Variants in SOX5 observed in about 807,000 individuals in gnomAD.
The protein encoded by SOX5 is SRY-box transcription factor 5.
SOX5 carries 9 observed loss-of-function variants against 92.0 expected under a neutral mutation model. That is an observed-to-expected ratio of 0.10 (90% CI 0.06 to 0.17). SOX5 has a LOEUF of 0.17. Ranked by LOEUF, SOX5 falls within the 10% of genes least tolerant of loss-of-function variation. SOX5 has a pLI of 1.00. For missense variants in SOX5, 642 were observed against 944.5 expected, an observed-to-expected ratio of 0.68 and a Z score of 4.20; for synonymous variants, 344 against 336.3, an observed-to-expected ratio of 1.02 and a Z score of -0.25.
At chr12:23,781,783 T>C (rs1432161193) in intron 3 of SOX5, among the ~76,000 whole-genome samples, 1 of 152,086 alleles carries the variant, frequency 6.6e-6, no homozygotes, top group Non-Finnish European at 1.5e-5. Flanking sequence ...ATAATGCTTT[T>C]TCTTTATTCC....
At chr12:24,284,432 T>TTTTG (rs1945589837) in intron 2 of SOX5, among the ~76,000 whole-genome samples, 1 of 149,564 alleles carries the variant, frequency 6.7e-6, no homozygotes, top group African/African-American at 2.5e-5. Flanking sequence ...TTTTTTTTCT[T>TTTTG]TGTGTGTGTG....
intron 1 of SOX5, among the ~76,000 whole-genome samples, chr12:24,385,168 GAGAAAACACAGTAC>G (rs1958251950): frequency 6.6e-6 from 1 of 152,126 alleles, no homozygotes. Context: ...GTATATGTAA[GAGAAAACACAGTAC>G]AGACTGTCCC....
At chr12:23,820,160 T>A (rs1189942786) in intron 3 of SOX5, among the ~76,000 whole-genome samples, 1 of 152,246 alleles carries the variant, frequency 6.6e-6, no homozygotes, top group Non-Finnish European at 1.5e-5. Context: ...TGGTTTTGAT[T>A]TGCATTTCTC....
chr12:24,502,453 A>C (rs1009577602), intron 1 of SOX5, among the ~76,000 whole-genome samples: 1 of 152,228 alleles, frequency 6.6e-6, no homozygotes, highest in African/African-American at 2.4e-5. Context: ...ATGAATCTAC[A>C]TTGATGGAAT....
chr12:24,534,275 G>A (rs1951444254), intron 1 of SOX5, among the ~76,000 whole-genome samples: 1 of 150,832 alleles, frequency 6.6e-6, no homozygotes, highest in African/African-American at 2.4e-5. Flanking sequence ...TTTTTTTTCG[G>A]GGAGCTACTA....
At chr12:23,628,311 C>T (rs1232701655) in intron 8 of SOX5, among the ~76,000 whole-genome samples, 1 of 151,962 alleles carries the variant, frequency 6.6e-6, no homozygotes, top group Non-Finnish European at 1.5e-5. Flanking sequence ...GAGTCATATG[C>T]TACAGTATAG....
intron 9 of SOX5, chr12:23,603,903 T>A (rs1168413315): frequency 6.4e-6 from 1 of 156,872 alleles, no homozygotes; most frequent in Non-Finnish European, 1.4e-5. Context: ...AAACACCTTC[T>A]GTAGGTCCTA....
In SOX5 at chr12:24,335,987, A is replaced by ATATC. The variant is rs1555235765; in HGVS notation, c.-174+32575_-174+32576insGATA. On this transcript the variant is annotated intron_variant, in intron 2 of 4. Coordinates refer to the SOX5 transcript ENST00000446891. ...GAAATGCTATCATATATATATATAT[A>ATATC]TCCATAATATTAAATTTTTCTTGTT... Among the ~76,000 whole-genome samples the ATATC allele has an allele frequency of 4.5e-5, 6 of 134,368 alleles. 1 individual carries two copies. The East Asian group carries it at 1.1e-3, about 24-fold the overall frequency. 88.2% of individuals were successfully genotyped at this position (134,368 alleles called of 152,430 possible). A position where few individuals can be genotyped will look rare whatever the true frequency, so the allele number is the denominator to read the frequency against.
chr12:23,999,824 C>T (rs925567012), intron 4 of SOX5, among the ~76,000 whole-genome samples: 86 of 151,856 alleles, frequency 5.7e-4, no homozygotes, highest in African/African-American at 2.0e-3. Flanking sequence ...TCCAGGTGAA[C>T]AAATAATGAG....
In SOX5 at chr12:23,769,100, CTT is replaced by C. The variant is rs769131157; in HGVS notation, c.482-13378_482-13377del. On this transcript the variant is annotated intron_variant, in intron 3 of 14. Transcript: ENST00000451604. ...CATAAAACTTGGGTTATTTTTCTCT[CTT>C]GTTTTTTCCTTAGCAAACTATTCAG... Among the ~76,000 whole-genome samples the C allele has an allele frequency of 6.0e-4, 92 of 152,152 alleles. 2 individuals are homozygous for C. The highest frequency in any genetic ancestry group is 6.8e-3 in the Middle Eastern group (2 of 294).
At chr12:23,876,531 G>C (rs1343694860) in intron 2 of SOX5, among the ~76,000 whole-genome samples, 1 of 152,160 alleles carries the variant, frequency 6.6e-6, no homozygotes, top group Non-Finnish European at 1.5e-5. Context: ...CTGTTCGTAG[G>C]AGTATAAATT....
intron 4 of SOX5, among the ~76,000 whole-genome samples, chr12:24,142,586 T>G (rs1950692417): frequency 1.3e-5 from 2 of 152,012 alleles, no homozygotes; most frequent in African/African-American, 4.8e-5. Flanking sequence ...GATTTACTGT[T>G]TTGCCTGAAA....
chr12:23,646,014 TA>T (rs1275722283), intron 7 of SOX5, among the ~76,000 whole-genome samples: 4 of 152,256 alleles, frequency 2.6e-5, no homozygotes, highest in South Asian at 2.1e-4. Context: ...CATACCTTAA[TA>T]AAAAAATACT....
chr12:24,287,953 C>A lies in SOX5; in HGVS notation c.-173-10641G>T, dbSNP rs574984131. On this transcript the variant is annotated intron_variant, in intron 2 of 4. Transcript: ENST00000446891. ...GATCACACCCAGGAGTAAGAACTGG[C>A]AAAAAGGAAATTTTGGAATCCCTCA... is the stretch of plus-strand genomic sequence containing the variant. Among the ~76,000 whole-genome samples, 31 of 152,166 alleles carry A rather than the reference C, an allele frequency of 2.0e-4. No individual in the cohort carries two copies. In the South Asian group the frequency reaches 6.0e-3, roughly 30 times the overall value.
chr12:24,468,645 T>A (rs1374967737), intron 1 of SOX5, among the ~76,000 whole-genome samples: 1 of 152,208 alleles, frequency 6.6e-6, no homozygotes, highest in African/African-American at 2.4e-5. Context: ...ATTCTTACTG[T>A]TTTTATTCTT....
At chr12:23,607,760 C>T (rs745466430) in intron 8 of SOX5, among the ~76,000 whole-genome samples, 3 of 152,070 alleles carry the variant, frequency 2.0e-5, no homozygotes, top group Non-Finnish European at 2.9e-5. Context: ...TAACAAGCAC[C>T]TGGAGAACTA....
At chr12:24,453,809 G>T (rs532899366) in intron 1 of SOX5, among the ~76,000 whole-genome samples, 11 of 152,256 alleles carry the variant, frequency 7.2e-5, no homozygotes, top group Non-Finnish European at 1.3e-4. Context: ...ACTTTTGCTT[G>T]CAGTACCAAG....
chr12:23,777,705 A>C (rs1046564267), intron 3 of SOX5, among the ~76,000 whole-genome samples: 1 of 152,198 alleles, frequency 6.6e-6, no homozygotes, highest in Non-Finnish European at 1.5e-5. Flanking sequence ...CTGCAGAGTC[A>C]CACTATACAA....
intron 4 of SOX5, among the ~76,000 whole-genome samples, chr12:23,987,110 A>G (rs373747987): frequency 2.0e-5 from 3 of 152,212 alleles, no homozygotes; most frequent in East Asian, 3.8e-4. Context: ...GTTAGGCACT[A>G]CTCTAGAAGA....
Sources: allele counts gnomAD v4.1 joint callset (sites outside exome capture counted in the v4.1 genomes callset), GRCh38; gene constraint gnomAD v4.1.1; transcripts MANE v1.5; gene names NCBI Gene and HGNC (gene_info 2026-07-23, HGNC 2026-07-21).